Variants in NDFIP1 observed in about 807,000 individuals in gnomAD.
NDFIP1 encodes Nedd4 family interacting protein 1.
In NDFIP1, 7 loss-of-function variants were observed where a neutral mutation model predicts 28.8. That is an observed-to-expected ratio of 0.24 (90% CI 0.14 to 0.46). NDFIP1 has a LOEUF of 0.46. NDFIP1 is among the 20% of genes least tolerant of loss of function. NDFIP1 has a pLI of 0.99. For missense variants in NDFIP1, 194 were observed against 269.1 expected (o/e 0.72, Z 1.95); for synonymous variants, 92 against 101.0 (o/e 0.91, Z 0.53).
At chr5:142,119,643 A>C (rs924252339) in intron 1 of NDFIP1, among the ~76,000 whole-genome samples, 2 of 152,158 alleles carry the variant, frequency 1.3e-5, no homozygotes, top group South Asian at 2.1e-4. Context: ...TTTTAAGAAA[A>C]ATGGTAGGAC....
At chr5:142,138,688 A>G (rs1330513007) in intron 5 of NDFIP1, among the ~76,000 whole-genome samples, 2 of 152,162 alleles carry the variant, frequency 1.3e-5, no homozygotes, top group East Asian at 3.9e-4. Flanking sequence ...TTTCCCCCAC[A>G]TAGCTAATAT....
At chr5:142,138,121 T>C in intron 5 of NDFIP1, 3 of 284,514 alleles carry the variant, frequency 1.1e-5, no homozygotes, top group African/African-American at 2.2e-5. Flanking sequence ...ATGTTTATAA[T>C]ATGATAATGT....
At chr5:142,114,317 C>T (rs376245837) in intron 1 of NDFIP1, among the ~76,000 whole-genome samples, 3 of 152,120 alleles carry the variant, frequency 2.0e-5, no homozygotes, top group Non-Finnish European at 4.4e-5. Context: ...TAATAATTAG[C>T]GATGTTGAGC....
intron 7 of NDFIP1, among the ~76,000 whole-genome samples, chr5:142,148,210 T>C (rs1490480085): frequency 6.6e-6 from 1 of 152,166 alleles, no homozygotes; most frequent in Non-Finnish European, 1.5e-5. Context: ...ACCTGAAATA[T>C]AGTACAAATA....
intron 7 of NDFIP1, among the ~76,000 whole-genome samples, chr5:142,148,777 A>AAAAG (rs745772278): frequency 0.064 from 6,094 of 95,886 alleles, 1,533 homozygotes; most frequent in East Asian, 0.25. Flanking sequence ...AAAAAAAAAA[A>AAAAG]GTATGTGACT....
At chr5:142,123,073 G>T (rs1049358731) in intron 1 of NDFIP1, among the ~76,000 whole-genome samples, 1 of 151,638 alleles carries the variant, frequency 6.6e-6, no homozygotes, top group Non-Finnish European at 1.5e-5. Context: ...AGTGATTCTC[G>T]TGCCTCAGCC....
intron 7 of NDFIP1, among the ~76,000 whole-genome samples, chr5:142,149,455 T>C (rs951128953): frequency 1.3e-5 from 2 of 149,974 alleles, no homozygotes; most frequent in Non-Finnish European, 3.0e-5. Flanking sequence ...TTTTTTTTTT[T>C]ACAAAGTGAT....
intron 1 of NDFIP1, among the ~76,000 whole-genome samples, chr5:142,119,998 C>T (rs1396750188): frequency 6.6e-6 from 1 of 152,148 alleles, no homozygotes; most frequent in Non-Finnish European, 1.5e-5. Flanking sequence ...CTCTGTTGTC[C>T]AGGCTGGAGT....
At chr5:142,150,686 A>C (rs907149445) in intron 7 of NDFIP1, among the ~76,000 whole-genome samples, 6 of 150,648 alleles carry the variant, frequency 4.0e-5, no homozygotes, top group Middle Eastern at 3.5e-3. Flanking sequence ...AGCTCGCGCC[A>C]CTGCACTCCA....
intron 1 of NDFIP1, among the ~76,000 whole-genome samples, chr5:142,129,843 G>A (rs978437700): frequency 2.0e-5 from 3 of 150,194 alleles, no homozygotes; most frequent in African/African-American, 4.9e-5. Flanking sequence ...CCTGGGAGGT[G>A]GAGGTTTCAG....
intron 1 of NDFIP1, among the ~76,000 whole-genome samples, chr5:142,126,310 C>CT (rs1230533692): frequency 6.6e-6 from 1 of 152,130 alleles, no homozygotes; most frequent in African/African-American, 2.4e-5. Context: ...GCAATTAACT[C>CT]TAAGATAGAA....
chr5:142,131,367 C>T (rs1160575334), intron 1 of NDFIP1, among the ~76,000 whole-genome samples: 7 of 151,904 alleles, frequency 4.6e-5, no homozygotes, highest in Non-Finnish European at 4.4e-5. Flanking sequence ...CTCCGCCTCC[C>T]GGGTTAAAAC....
In NDFIP1 at chr5:142,154,027, C is replaced by T. The variant is rs1221810697; in HGVS notation, c.*2299C>T. 6.6e-6 allele frequency: 1 copy of T among 152,388 alleles called. No individual in the cohort carries two copies. The highest frequency in any genetic ancestry group is 2.4e-5 in the African/African-American group (1 of 41,404). The allele number at this position is 152,388 out of a possible 1,614,324, so 9.4% of individuals were successfully genotyped here. ...CTGAAAATTAAAATCTTTTGAGGCACATGAAGTGGGCACCATATATCATCT... is the reference window on the plus strand; with the variant it reads ...CTGAAAATTAAAATCTTTTGAGGCATATGAAGTGGGCACCATATATCATCT... On this transcript the variant is annotated 3_prime_UTR_variant, in exon 8 of 8. Transcript: ENST00000253814.
intron 5 of NDFIP1, among the ~76,000 whole-genome samples, chr5:142,138,931 A>G (rs1417651287): frequency 2.0e-5 from 3 of 151,572 alleles, no homozygotes; most frequent in Middle Eastern, 3.2e-3. Flanking sequence ...AAAGTGAATC[A>G]AATGGGCCGG....
At chr5:142,117,783 A>G (rs1490516676) in intron 1 of NDFIP1, among the ~76,000 whole-genome samples, 1 of 137,776 alleles carries the variant, frequency 7.3e-6, no homozygotes, top group East Asian at 2.2e-4. Context: ...GCTGGAGTGC[A>G]GCCACATAGT....
chr5:142,128,262 A>G (rs538760687), intron 1 of NDFIP1, among the ~76,000 whole-genome samples: 1 of 152,268 alleles, frequency 6.6e-6, no homozygotes, highest in Non-Finnish European at 1.5e-5. Flanking sequence ...AAACGTGACA[A>G]TGCCGCGTAT....
intron 7 of NDFIP1, among the ~76,000 whole-genome samples, chr5:142,148,838 G>C (rs1406609599): frequency 6.7e-6 from 1 of 149,904 alleles, no homozygotes; most frequent in Non-Finnish European, 1.5e-5. Context: ...ACCTGAAATG[G>C]TAAAAAATGT....
rs968320393 is a variant in NDFIP1, at chr5:142,153,610, T to G, written c.*1882T>G. ...GTTTTATGGAAGTTTCTTTGAAGATTTTTTTTTTTCCATTTCGAATCAGAT... is the reference window on the plus strand; with the variant it reads ...GTTTTATGGAAGTTTCTTTGAAGATGTTTTTTTTTCCATTTCGAATCAGAT... On this transcript the variant is annotated 3_prime_UTR_variant, in exon 8 of 8. Transcript: ENST00000253814. 6 of 266,700 alleles carry G rather than the reference T, an allele frequency of 2.2e-5. No individual in the cohort carries two copies. The highest frequency in any genetic ancestry group is 1.5e-4 in the African/African-American group (6 of 39,492). 16.5% of individuals were successfully genotyped at this position (266,700 alleles called of 1,614,324 possible). A position where few individuals can be genotyped will look rare whatever the true frequency, so the allele number is the denominator to read the frequency against.
At chr5:142,124,352 G>A (rs775182215) in intron 1 of NDFIP1, among the ~76,000 whole-genome samples, 18 of 152,188 alleles carry the variant, frequency 1.2e-4, no homozygotes, top group Non-Finnish European at 2.5e-4. Flanking sequence ...TGGATGGCAT[G>A]CCTTCACTTG....
Sources: gnomAD v4.1 joint callset for allele counts (sites outside exome capture counted in the v4.1 genomes callset) on GRCh38, gnomAD v4.1.1 for gene constraint, MANE v1.5 for transcripts, NCBI Gene and HGNC (gene_info 2026-07-23, HGNC 2026-07-21) for gene names.